QRICH1: variants seen among roughly 807,000 people sequenced by gnomAD.
QRICH1 encodes transcriptional regulator QRICH1.
A neutral mutation model predicts 87.1 loss-of-function variants in QRICH1; 16 were observed. The ratio of observed to expected loss-of-function variants is 0.18; its 90% confidence interval spans 0.12 to 0.28. QRICH1 has a LOEUF of 0.28. Ranked by LOEUF, QRICH1 falls within the 10% of genes least tolerant of loss-of-function variation. QRICH1 has a pLI of 1.00. For missense variants in QRICH1, 647 were observed against 951.7 expected, an observed-to-expected ratio of 0.68 and a Z score of 4.21; for synonymous variants, 367 against 368.4, an observed-to-expected ratio of 1.00 and a Z score of 0.05.
In QRICH1 at chr3:49,076,263, G is replaced by A. The variant is rs554460112; in HGVS notation, c.309+446C>T. On this transcript the variant is annotated intron_variant, in intron 2 of 9. Coordinates refer to ENST00000395443, the MANE Select transcript of QRICH1 (RefSeq NM_198880.3). ...CAGCACCACAGTGTTGGTCAGCCTCGGAAAGCCAGTCCCCCACCATCACTG... is the reference window on the plus strand; with the variant it reads ...CAGCACCACAGTGTTGGTCAGCCTCAGAAAGCCAGTCCCCCACCATCACTG... Among the ~76,000 whole-genome samples the A allele has an allele frequency of 1.2e-4, 18 of 152,304 alleles. 1 individual carries two copies. The highest frequency in any genetic ancestry group is 9.7e-4 in the East Asian group (5 of 5,180).
Position 49,030,468 on chromosome 3 carries a change from G to T in QRICH1, c.2315C>A (p.Ala772Glu). Residue 772 changes from alanine (A) to glutamate (E), a missense_variant, in exon 10 of 10, where the codon GCA becomes GAA. Ala to Glu is a moderately radical substitution (Grantham distance 107). This residue lies in a region of QRICH1 where 56 missense variants were observed against 79.4 expected (regional missense o/e 0.71). Transcript: ENST00000395443. The stretch of plus-strand genomic sequence containing the variant: ...CAAGGCATCTCAGTGCATAGTGCTT[G>T]CATTGGCCACTGCGATGGCCTCCTG... ...EIQEAIAVANASTMH is the reference protein window; with the variant it reads ...EIQEAIAVANESTMH 6.2e-7 allele frequency: 1 copy of T among 1,613,432 alleles called. No homozygotes were observed. The highest frequency in any genetic ancestry group is 8.5e-7 in the Non-Finnish European group (1 of 1,180,000).
chr3:49,034,197 C>T (rs574421863), intron 6 of QRICH1, among the ~76,000 whole-genome samples: 7 of 151,586 alleles, frequency 4.6e-5, no homozygotes, highest in African/African-American at 1.7e-4. Context: ...AATCCGAGAA[C>T]TTTGGGAGGC....
chr3:49,032,989 G>C (rs949871491), intron 7 of QRICH1, 131 bp downstream of exon 7: 58 of 931,302 alleles, frequency 6.2e-5, no homozygotes, highest in Non-Finnish European at 8.4e-5. Flanking sequence ...ATAAAATGCA[G>C]CCAAGTGGGG....
At chr3:49,037,235 C>A (rs2093281183) in intron 6 of QRICH1, among the ~76,000 whole-genome samples, 1 of 151,866 alleles carries the variant, frequency 6.6e-6, no homozygotes, top group South Asian at 2.1e-4. Flanking sequence ...AGTAATCTTG[C>A]CAAAAACAAA....
chr3:49,062,649 G>C (rs2093442090), intron 2 of QRICH1, among the ~76,000 whole-genome samples: 1 of 151,198 alleles, frequency 6.6e-6, no homozygotes, highest in African/African-American at 2.4e-5. Flanking sequence ...GTGTGAGCCA[G>C]TGTGCCTGAA....
At chr3:49,050,248 CAAAAA>C (rs527597101) in intron 3 of QRICH1, among the ~76,000 whole-genome samples, 657 of 52,396 alleles carry the variant, frequency 0.013, 18 homozygotes, top group African/African-American at 0.047. Flanking sequence ...GACTCCGTCT[CAAAAA>C]AAAAAAAAAA....
chr3:49,076,381 C>T (rs1202755037), intron 2 of QRICH1, among the ~76,000 whole-genome samples: 1 of 152,078 alleles, frequency 6.6e-6, no homozygotes, highest in Non-Finnish European at 1.5e-5. Flanking sequence ...AGGTGGCGCC[C>T]CCTCACTCAT....
intron 3 of QRICH1, among the ~76,000 whole-genome samples, chr3:49,047,628 C>A (rs1051655055): frequency 5.9e-5 from 9 of 151,836 alleles, no homozygotes; most frequent in African/African-American, 2.2e-4. Context: ...GGTTTACAGG[C>A]ATGCACCAAC....
Position 49,076,871 on chromosome 3 carries a change from G to A in QRICH1, c.147C>T (p.Ala49=), listed in dbSNP as rs1269999306. The A allele has an allele frequency of 1.9e-6, 3 of 1,613,940 alleles. No homozygotes were observed. The highest frequency in any genetic ancestry group is 2.5e-6 in the Non-Finnish European group (3 of 1,179,888). ...CCTGTTGGTACACCATGGTAGTGGT[G>A]GCTGTCTGCTGGAACTCCTGAAGGG... The part of the protein sequence containing the change: ...PEALQEFQQT[A]TTTMVYQQGG... The change falls in exon 2 of 10, where the codon GCC becomes GCT. Residue 49 remains alanine (A), a synonymous_variant. Transcript: ENST00000395443.
intron 8 of QRICH1, 116 bp downstream of exon 8, chr3:49,032,506 G>T: frequency 1.5e-6 from 2 of 1,348,228 alleles, no homozygotes; most frequent in Non-Finnish European, 1.0e-6. Context: ...AGGGAGTGGA[G>T]AATTTTATCC....
At chr3:49,094,181 G>C, upstream of QRICH1, 1 of 393,394 alleles carries the variant, frequency 2.5e-6, no homozygotes, top group Non-Finnish European at 4.5e-6. Context: ...AGGTGGCCGC[G>C]CTTCTGGCCG....
At chr3:49,039,143 G>C (rs1391786365) in intron 6 of QRICH1, among the ~76,000 whole-genome samples, 1 of 151,990 alleles carries the variant, frequency 6.6e-6, no homozygotes, top group African/African-American at 2.4e-5. Flanking sequence ...GATCACCTGA[G>C]GTCAGGAGTT....
At chr3:49,073,122 T>C (rs2041876630) in intron 2 of QRICH1, among the ~76,000 whole-genome samples, 1 of 152,116 alleles carries the variant, frequency 6.6e-6, no homozygotes. Flanking sequence ...CTCTCCAGCA[T>C]GTTTCAGTCC....
At position 49,067,324 on chromosome 3, in the gene QRICH1, T is replaced by C. The variant is rs1241241933; in HGVS notation, c.309+9385A>G. Among the ~76,000 whole-genome samples, 5 of 152,118 alleles carry C rather than the reference T, an allele frequency of 3.3e-5. No individual in the cohort carries two copies. The South Asian group carries it at 8.3e-4, about 25-fold the overall frequency. ...GGCTCACGCCTGTAATCCCAGCACT[T>C]TGGGAGGCCAAGGTAGGCAGATCAC... is the stretch of plus-strand genomic sequence containing the variant. On this transcript the variant is annotated intron_variant, in intron 2 of 9. Coordinates refer to ENST00000395443, the MANE Select transcript of QRICH1 (RefSeq NM_198880.3).
At chr3:49,071,702 T>G (rs1489638035) in intron 2 of QRICH1, among the ~76,000 whole-genome samples, 1 of 152,194 alleles carries the variant, frequency 6.6e-6, no homozygotes, top group Non-Finnish European at 1.5e-5. Flanking sequence ...TCTTTTCTCT[T>G]TTTTTGAGAC....
intron 1 of QRICH1, among the ~76,000 whole-genome samples, chr3:49,086,037 T>C (rs1048188276): frequency 2.0e-5 from 3 of 151,756 alleles, no homozygotes; most frequent in Non-Finnish European, 4.4e-5. Flanking sequence ...CTGATGAGAC[T>C]AATAATGAAA....
At chr3:49,060,776 G>A (rs2093430058) in intron 2 of QRICH1, among the ~76,000 whole-genome samples, 1 of 152,156 alleles carries the variant, frequency 6.6e-6, no homozygotes. Context: ...ACTCTTGTAG[G>A]AGCACAAACC....
At chr3:49,073,643 AATTTTT>A (rs1040786597) in intron 2 of QRICH1, among the ~76,000 whole-genome samples, 8 of 151,472 alleles carry the variant, frequency 5.3e-5, no homozygotes, top group Admixed American at 2.6e-4. Context: ...TGTGCCTTAC[AATTTTT>A]ATTTTTATTT....
chr3:49,045,326 C>CAAAAAAAAAAAAA (rs150401256), intron 5 of QRICH1, among the ~76,000 whole-genome samples: 1 of 101,834 alleles, frequency 9.8e-6, no homozygotes, highest in African/African-American at 4.0e-5. Flanking sequence ...TTGTGAATTA[C>CAAAAAAAAAAAAA]AAAAAAAAAA....
Sources: gnomAD v4.1 joint callset for allele counts (sites outside exome capture counted in the v4.1 genomes callset) on GRCh38, gnomAD v4.1.1 for gene constraint, gnomAD v4.1.1 regional missense constraint, MANE v1.5 for transcripts, NCBI Gene and HGNC (gene_info 2026-07-23, HGNC 2026-07-21) for gene names.